The following PRKDC variants were observed in gnomAD, a reference collection of about 807,000 sequenced individuals.
The protein encoded by PRKDC is DNA-dependent protein kinase catalytic subunit.
In PRKDC, 82 loss-of-function variants were observed where a neutral mutation model predicts 486.9. That is an observed-to-expected ratio of 0.17 (90% CI 0.14 to 0.20). PRKDC has a LOEUF of 0.20. Among genes scored for constraint, PRKDC ranks in the 10% least tolerant of loss-of-function variants. The pLI, the probability that PRKDC is intolerant of heterozygous loss-of-function variation, is 1.00. For missense variants in PRKDC, 4,504 were observed against 5,038.2 expected (o/e 0.89, Z 3.21); for synonymous variants, 1,895 against 1,837.0 (o/e 1.03, Z -0.81).
intron 56 of PRKDC, among the ~76,000 whole-genome samples, chr8:47,838,094 C>T (rs1274770017): frequency 6.6e-6 from 1 of 152,124 alleles, no homozygotes; most frequent in Admixed American, 6.5e-5. Flanking sequence ...TGAAATCATG[C>T]TACTGCACTC....
intron 21 of PRKDC, chr8:47,926,977 ATAAG>A: frequency 1.2e-5 from 6 of 520,552 alleles, no homozygotes; most frequent in East Asian, 3.4e-5. Flanking sequence ...TTAGTAAGCT[ATAAG>A]TGAGTAAATG....
chr8:47,809,118 G>T (rs541406719), intron 68 of PRKDC, among the ~76,000 whole-genome samples: 1 of 148,754 alleles, frequency 6.7e-6, no homozygotes, highest in Non-Finnish European at 1.5e-5. Flanking sequence ...GGGAGTAGAG[G>T]GGAAGGGAGG....
At chr8:47,776,813 CGTTA>C (rs2086616657) in intron 85 of PRKDC, 27 bp downstream of exon 85, 6 of 1,611,842 alleles carry the variant, frequency 3.7e-6, no homozygotes, top group Non-Finnish European at 5.1e-6. Context: ...GTCGGTAGTC[CGTTA>C]GTTTTTTCCA....
chr8:47,921,938 A>G (rs2090078466), intron 21 of PRKDC, among the ~76,000 whole-genome samples: 1 of 151,918 alleles, frequency 6.6e-6, no homozygotes, highest in Non-Finnish European at 1.5e-5. Context: ...GTGCCACCAC[A>G]CCCAGATAAT....
chr8:47,859,756 C>T lies in PRKDC; in HGVS notation c.6062G>A (p.Gly2021Asp), dbSNP rs1351826751. 5.0e-6 allele frequency: 8 copies of T among 1,608,524 alleles called. No homozygotes were observed. Among genetic ancestry groups the T allele is most frequent in the African/African-American group, 1.3e-5 (1 of 74,840 alleles). ...AREAANGDSDGPSYMSSLSYL... is the reference protein window; with the variant it reads ...AREAANGDSDDPSYMSSLSYL... ...TGACAGGGAAGACATATAGGAAGGA[C>T]CATCTGAAATATAAAAAAGGAGAAA... The change falls in exon 46 of 86, where the codon GGT (glycine) becomes GAT (aspartate). Residue 2021 changes from glycine (G) to aspartate (D), a missense_variant. By Grantham distance (94) the Gly-to-Asp change is moderately conservative (BLOSUM62 -1). Transcript: ENST00000314191.
At chr8:47,814,544 T>C (rs1002976454) in intron 68 of PRKDC, among the ~76,000 whole-genome samples, 3 of 152,056 alleles carry the variant, frequency 2.0e-5, no homozygotes, top group South Asian at 2.1e-4. Context: ...CAGCAAATAA[T>C]TGGAAAATAA....
At chr8:47,941,037 C>A (rs1049950187) in intron 10 of PRKDC, among the ~76,000 whole-genome samples, 1 of 150,580 alleles carries the variant, frequency 6.6e-6, no homozygotes, top group Non-Finnish European at 1.5e-5. Flanking sequence ...GGCTGAGGCA[C>A]GAGAATTGCT....
At chr8:47,917,254 CAA>C (rs565376567) in intron 22 of PRKDC, among the ~76,000 whole-genome samples, 1 of 147,152 alleles carries the variant, frequency 6.8e-6, no homozygotes, top group African/African-American at 2.5e-5. Flanking sequence ...GATCCTGCCT[CAA>C]AAAAAAATTA....
intron 54 of PRKDC, among the ~76,000 whole-genome samples, chr8:47,844,992 A>C (rs886079185): frequency 3.3e-5 from 5 of 152,180 alleles, no homozygotes; most frequent in African/African-American, 1.2e-4. Flanking sequence ...AGGCAGGAGG[A>C]TCATTTGAGG....
rs778268476 is a variant in PRKDC at position 47,879,523 on chromosome 8, G to A, written c.5203C>T (p.Arg1735Trp). Reference protein sequence around the residue: ...QSREFPPGTPRFNNYVDCMKK... With the variant: ...QSREFPPGTPWFNNYVDCMKK... ...ATGCAGTCCACATAATTATTGAACC[G>A]CGGAGTTCCTGGAGGAAATTCCCTG... Residue 1735 changes from arginine to tryptophan, a missense_variant, in exon 39 of 86, where the codon CGG becomes TGG. By Grantham distance (101) the Arg-to-Trp change is moderately radical. Around this residue, in one of 6 missense-constraint regions of PRKDC, gnomAD observed 1,969 missense variants for 2,068.9 expected, o/e 0.95. Coordinates refer to ENST00000314191, the MANE Select transcript of PRKDC (RefSeq NM_006904.7). The A allele has an allele frequency of 2.1e-5, 34 of 1,596,426 alleles. No homozygotes were observed. Among genetic ancestry groups the A allele is most frequent in the Middle Eastern group, 1.7e-4 (1 of 5,986 alleles).
intron 11 of PRKDC, among the ~76,000 whole-genome samples, chr8:47,938,136 G>A (rs2090385224): frequency 6.6e-6 from 1 of 152,040 alleles, no homozygotes; most frequent in Admixed American, 6.5e-5. Flanking sequence ...GCCAGGAGCG[G>A]TGGCTCATGC....
At chr8:47,836,302 G>A in intron 58 of PRKDC, 36 bp downstream of exon 58, 1 of 1,507,300 alleles carries the variant, frequency 6.6e-7, no homozygotes. Flanking sequence ...AGGTCAGGGT[G>A]CTGTATACAT....
chr8:47,827,621 C>T (rs2087766227), intron 62 of PRKDC, among the ~76,000 whole-genome samples: 1 of 152,242 alleles, frequency 6.6e-6, no homozygotes, highest in South Asian at 2.1e-4. Flanking sequence ...TCATTACTAT[C>T]TTACACTGCT....
At chr8:47,809,054 AG>A (rs1425398174) in intron 68 of PRKDC, among the ~76,000 whole-genome samples, 2 of 145,284 alleles carry the variant, frequency 1.4e-5, no homozygotes, top group African/African-American at 5.0e-5. Flanking sequence ...AAAGAAGAAA[AG>A]GAAAGGAAAA....
chr8:47,816,638 A>C (rs191267384), intron 68 of PRKDC, among the ~76,000 whole-genome samples: 1 of 152,312 alleles, frequency 6.6e-6, no homozygotes, highest in East Asian at 1.9e-4. Flanking sequence ...GCTTACGCTC[A>C]CAACCGGTTC....
chr8:47,776,576 C>T (rs377047671), intron 85 of PRKDC, among the ~76,000 whole-genome samples: 1 of 152,206 alleles, frequency 6.6e-6, no homozygotes, highest in Non-Finnish European at 1.5e-5. Context: ...TCTAAGAGTG[C>T]ACCTTCTGTT....
chr8:47,793,504 G>A (rs926210472), intron 74 of PRKDC, among the ~76,000 whole-genome samples: 6 of 151,974 alleles, frequency 3.9e-5, no homozygotes, highest in Admixed American at 2.6e-4. Flanking sequence ...GCTGGGCATG[G>A]TGGCACACGC....
chr8:47,906,650 G>A (rs1310480479), intron 25 of PRKDC, among the ~76,000 whole-genome samples: 3 of 150,948 alleles, frequency 2.0e-5, no homozygotes, highest in African/African-American at 7.3e-5. Context: ...AATGCTTGTG[G>A]TGGAAGTTAA....
chr8:47,904,787 T>C, intron 26 of PRKDC, 82 bp downstream of exon 26: 1 of 1,161,928 alleles, frequency 8.6e-7, no homozygotes, highest in Non-Finnish European at 1.2e-6. Context: ...AGCAAGACTG[T>C]CTCAAAAACA....
Sources: allele counts gnomAD v4.1 joint callset (sites outside exome capture counted in the v4.1 genomes callset), GRCh38; gene constraint gnomAD v4.1.1; regional missense constraint gnomAD v4.1.1; transcripts MANE v1.5; gene names NCBI Gene and HGNC (gene_info 2026-07-23, HGNC 2026-07-21).